RFESD: variants seen among roughly 807,000 people sequenced by gnomAD.
RFESD encodes the protein Rieske domain-containing protein.
RFESD carries 16 observed loss-of-function variants against 24.4 expected under a neutral mutation model. The observed-to-expected ratio is 0.66, with a 90% CI of 0.44 to 1.00. RFESD has a LOEUF of 1.00. RFESD is among the 50% of genes least tolerant of loss of function. The pLI is 0.00. For missense variants in RFESD, 208 were observed against 247.0 expected, an observed-to-expected ratio of 0.84 and a Z score of 1.06; for synonymous variants, 59 against 81.8, an observed-to-expected ratio of 0.72 and a Z score of 1.50.
At chr5:95,653,951 C>G in intron 3 of RFESD, 110 bp from the exon 4 acceptor site, 1 of 712,284 alleles carries the variant, frequency 1.4e-6, no homozygotes, top group Non-Finnish European at 2.3e-6. Flanking sequence ...CAGAAAGTGC[C>G]TCCATTAATC....
chr5:95,651,180 A>G (rs866438197), intron 1 of RFESD, among the ~76,000 whole-genome samples: 6 of 152,170 alleles, frequency 3.9e-5, no homozygotes, highest in African/African-American at 1.4e-4. Context: ...TGGAATTACA[A>G]TGCAGATTCC....
chr5:95,656,489 T>A lies in RFESD; in HGVS notation c.*180T>A, dbSNP rs528262638. ...TATGATGTAAGGATTATCATCAGGA[T>A]CAATAGAATACATTTTATCGAATCT... On this transcript the variant is annotated 3_prime_UTR_variant, in exon 6 of 6. Transcript: ENST00000380005. 1.8e-6 allele frequency: 1 copy of A among 558,694 alleles called. No individual in the cohort carries two copies. Among genetic ancestry groups the A allele is most frequent in the Non-Finnish European group, 3.1e-6 (1 of 317,944 alleles). The allele number at this position is 558,694 out of a possible 1,614,324, so 34.6% of individuals were successfully genotyped here.
intron 3 of RFESD, 63 bp from the exon 4 acceptor site, chr5:95,653,998 C>T: frequency 7.1e-7 from 1 of 1,404,114 alleles, no homozygotes; most frequent in Non-Finnish European, 9.8e-7. Context: ...AGGGTTATCT[C>T]CATTAAGCTG....
intron 3 of RFESD, 22 bp from the exon 4 acceptor site, chr5:95,654,039 T>C: frequency 6.3e-7 from 1 of 1,599,866 alleles, no homozygotes; most frequent in Non-Finnish European, 8.5e-7. Context: ...TCTTGTAACT[T>C]TCCTTCTTTA....
At position 95,657,940 on chromosome 5, in the gene RFESD, A is replaced by ATT. The variant is rs1750864159; in HGVS notation, c.*1631_*1632insTT. 9 of 120,322 alleles carry ATT rather than the reference A, an allele frequency of 7.5e-5. 1 individual carries two copies. The highest frequency in any genetic ancestry group is 2.9e-4 in the African/African-American group (8 of 27,528). 7.5% of individuals were successfully genotyped at this position (120,322 alleles called of 1,614,324 possible). On this transcript the variant is annotated 3_prime_UTR_variant, in exon 6 of 6. Transcript: ENST00000380005. ...ATCAAAGTACTTTCTTCAGGCAAAA[A>ATT]CTAGCCCTGGTTTGCAGGAATAATT...
rs754590866 is a variant in RFESD, at chr5:95,654,056, A to G, written c.159-5A>G. The stretch of plus-strand genomic sequence containing the variant: ...TTGTAACTTTCCTTCTTTATGTTCA[A>G]CTAGCATGAATCTTGATGGCTCTGC... On this transcript the variant is annotated splice_region_variant and splice_polypyrimidine_tract_variant and intron_variant, in intron 3 of 5. Transcript: ENST00000380005. 1.7e-5 allele frequency: 28 copies of G among 1,605,390 alleles called. No individual in the cohort carries two copies. The highest frequency in any genetic ancestry group is 2.3e-4 in the Middle Eastern group (1 of 4,404).
At chr5:95,654,618 A>C (rs187707305) in intron 5 of RFESD, among the ~76,000 whole-genome samples, 42 of 152,322 alleles carry the variant, frequency 2.8e-4, no homozygotes, top group Middle Eastern at 3.4e-3. Context: ...ATTTATTATA[A>C]TGAATAATTG....
Position 95,656,828 on chromosome 5 carries a change from TTTGA to T in RFESD, c.*523_*526del, listed in dbSNP as rs1360619565. The T allele has an allele frequency of 6.5e-6, 1 of 152,828 alleles. No individual in the cohort carries two copies. The highest frequency in any genetic ancestry group is 6.5e-5 in the Admixed American group (1 of 15,288). The allele number at this position is 152,828 out of a possible 1,614,324, so 9.5% of individuals were successfully genotyped here. A position where few individuals can be genotyped will look rare whatever the true frequency, so the allele number is the denominator to read the frequency against. On this transcript the variant is annotated 3_prime_UTR_variant, in exon 6 of 6. Transcript: ENST00000380005. ...CTCTGTGGATTTGCTACCTCTCCTATTTGATTGTTATTTTTACATTTTTAGGAAA... is the reference window on the plus strand; with the variant it reads ...CTCTGTGGATTTGCTACCTCTCCTATTTGTTATTTTTACATTTTTAGGAAA...
chr5:95,650,813 A>T (rs962879545), intron 1 of RFESD, among the ~76,000 whole-genome samples: 3 of 152,122 alleles, frequency 2.0e-5, no homozygotes, highest in Admixed American at 1.3e-4. Context: ...AAGAAGTTGG[A>T]TAGGGCCGGG....
chr5:95,655,939 A>G (rs1207330243), intron 5 of RFESD, 107 bp from the exon 6 acceptor site: 3 of 1,021,040 alleles, frequency 2.9e-6, no homozygotes, highest in Non-Finnish European at 2.9e-6. Context: ...GGAAAAAAAG[A>G]AAAGCTAACC....
At chr5:95,654,528 A>G (rs1750606349) in intron 5 of RFESD, among the ~76,000 whole-genome samples, 161 bp downstream of exon 5, 4 of 152,214 alleles carry the variant, frequency 2.6e-5, no homozygotes, top group Admixed American at 2.0e-4. Context: ...TTGACCTAGC[A>G]ATTATACTCT....
In RFESD at chr5:95,653,116, G is replaced by A; in HGVS notation, c.61-1G>A. 6.4e-7 allele frequency: 1 copy of A among 1,551,530 alleles called. No individual in the cohort carries two copies. Among genetic ancestry groups the A allele is most frequent in the Non-Finnish European group, 8.7e-7 (1 of 1,146,942 alleles). On this transcript the variant is annotated splice_acceptor_variant, in intron 2 of 5. Coordinates refer to ENST00000380005, the MANE Select transcript of RFESD (RefSeq NM_001131066.2). LOFTEE classifies it high-confidence loss of function. Reference sequence around the variant, plus strand: ...GGCTTTTGTATTTGCTCTTCTTTCAGTATGGAATTCTCTTCCCCAAGCTGT... The same window carrying A: ...GGCTTTTGTATTTGCTCTTCTTTCAATATGGAATTCTCTTCCCCAAGCTGT...
chr5:95,650,319 T>C (rs1035005229), intron 1 of RFESD, among the ~76,000 whole-genome samples: 2 of 152,196 alleles, frequency 1.3e-5, no homozygotes, highest in Non-Finnish European at 2.9e-5. Context: ...TGTAATGCCT[T>C]CTTTTATACA....
In RFESD at chr5:95,653,187, TCATCTCAGTGAC is replaced by T. The variant is rs772321646; in HGVS notation, c.134_145del (p.Ile45_Thr48del). 2.6e-6 allele frequency: 4 copies of T among 1,551,636 alleles called. No individual in the cohort carries two copies. The African/African-American group carries it at 5.5e-5, about 21-fold the overall frequency. On this transcript the variant is annotated inframe_deletion, in exon 3 of 6. Transcript: ENST00000380005. ...CATTTTGGGCATTTCAGCTCAGCTG[TCATCTCAGTGAC>T]CAGTTTTTATCTGAGGTAAGAAAAT...
Position 95,656,433 on chromosome 5 carries a change from A to G in RFESD, c.*124A>G. On this transcript the variant is annotated 3_prime_UTR_variant, in exon 6 of 6. Coordinates refer to ENST00000380005, the MANE Select transcript of RFESD (RefSeq NM_001131066.2). ...GCACAACTGTTTAAAATTCACATAC[A>G]TTTGAGAGGTTTAAGAGCACACATA... 1 of 702,006 alleles carries G rather than the reference A, an allele frequency of 1.4e-6. No homozygotes were observed. The highest frequency in any genetic ancestry group is 2.7e-5 in the East Asian group (1 of 37,352). 43.5% of individuals were successfully genotyped at this position (702,006 alleles called of 1,614,324 possible). A position where few individuals can be genotyped will look rare whatever the true frequency, so the allele number is the denominator to read the frequency against.
At chr5:95,648,082 C>G (rs1205523137) in intron 1 of RFESD, 1 of 152,156 alleles carries the variant, frequency 6.6e-6, no homozygotes, top group Non-Finnish European at 1.5e-5. Flanking sequence ...CAAGTAAGTA[C>G]GTTTCACTTC....
At position 95,656,319 on chromosome 5, in the gene RFESD, T is replaced by A; in HGVS notation, c.*10T>A. On this transcript the variant is annotated 3_prime_UTR_variant, in exon 6 of 6. Transcript: ENST00000380005. ...TAAGAGTTCTTCCTGATAAAAAATA[T>A]ATAGAAATGAAAAATGTTGTGTATG... is the stretch of plus-strand genomic sequence containing the variant. 6.3e-7 allele frequency: 1 copy of A among 1,587,566 alleles called. No individual in the cohort carries two copies. The highest frequency in any genetic ancestry group is 8.6e-7 in the Non-Finnish European group (1 of 1,164,128).
intron 1 of RFESD, chr5:95,647,791 T>C (rs1750167652): frequency 6.6e-6 from 1 of 152,094 alleles, no homozygotes; most frequent in Non-Finnish European, 1.5e-5. Flanking sequence ...AAAACGTGGG[T>C]GCTACCTGAA....
intron 1 of RFESD, among the ~76,000 whole-genome samples, chr5:95,648,897 T>G (rs1262436438): frequency 6.9e-6 from 1 of 144,206 alleles, no homozygotes; most frequent in Non-Finnish European, 1.5e-5. Context: ...TAGTGCTTTT[T>G]TTTTTTTTTT....
Sources: gnomAD v4.1 joint callset for allele counts (sites outside exome capture counted in the v4.1 genomes callset) on GRCh38, gnomAD v4.1.1 for gene constraint, MANE v1.5 for transcripts, NCBI Gene and HGNC (gene_info 2026-07-23, HGNC 2026-07-21) for gene names.